Variants in ACTMAP observed in about 807,000 individuals in gnomAD.
The protein encoded by ACTMAP is UPF0692 protein C19orf54.
chr19:40,742,235 C>T, the ACTMAP span: 1 of 715,380 alleles, frequency 1.4e-6, no homozygotes, highest in South Asian at 1.5e-5. Flanking sequence ...ATAGGCAGGC[C>T]GCAGGGTCCG....
At chr19:40,749,632 G>T in the ACTMAP span, 1 of 1,549,818 alleles carries the variant, frequency 6.5e-7, no homozygotes, top group Non-Finnish European at 8.7e-7. Flanking sequence ...GGAGGAGGCA[G>T]TGGGAGCGGT....
chr19:40,744,827 G>A, the ACTMAP span: 2 of 1,285,628 alleles, frequency 1.6e-6, no homozygotes, highest in Admixed American at 2.8e-5. Flanking sequence ...CCCCTTCAGG[G>A]GAGAGCCCAG....
chr19:40,744,685 T>C, the ACTMAP span: 1 of 1,605,558 alleles, frequency 6.2e-7, no homozygotes, highest in African/African-American at 1.3e-5. Context: ...AGCCCGCATC[T>C]GGGGACAGAG....
the ACTMAP span, among the ~76,000 whole-genome samples, chr19:40,745,570 C>G: frequency 6.6e-6 from 1 of 152,206 alleles, no homozygotes; most frequent in African/African-American, 2.4e-5. Context: ...GCAATCAAAG[C>G]TCACTGCAGC....
chr19:40,744,208 G>A, the ACTMAP span: 1 of 1,550,956 alleles, frequency 6.4e-7, no homozygotes, highest in East Asian at 2.4e-5. Context: ...TGCAGGGTGA[G>A]AGCACACAGA....
At chr19:40,744,059 T>C in the ACTMAP span, 27 of 1,613,714 alleles carry the variant, frequency 1.7e-5, no homozygotes, top group Non-Finnish European at 2.2e-5. Flanking sequence ...TCCCAGGCCC[T>C]GGGATACGGG....
the ACTMAP span, among the ~76,000 whole-genome samples, chr19:40,748,615 G>A: frequency 3.3e-5 from 5 of 152,078 alleles, no homozygotes; most frequent in Non-Finnish European, 4.4e-5. Flanking sequence ...GGGCTCCCCC[G>A]TGCCCTCAGG....
chr19:40,744,016 G>A, the ACTMAP span: 1 of 1,614,002 alleles, frequency 6.2e-7, no homozygotes, highest in African/African-American at 1.3e-5. Flanking sequence ...TGTGGCCCTG[G>A]GACCCACCCT....
chr19:40,745,061 C>T, the ACTMAP span: 2 of 1,525,496 alleles, frequency 1.3e-6, no homozygotes, highest in Non-Finnish European at 1.8e-6. Flanking sequence ...CAGATCAGTC[C>T]TTAAGAAGCC....
the ACTMAP span, chr19:40,743,779 G>A: frequency 6.8e-4 from 790 of 1,167,620 alleles, 8 homozygotes; most frequent in African/African-American, 9.9e-3. Context: ...CAGCCTGCCC[G>A]GTGCTAATGC....
At chr19:40,745,543 G>C in the ACTMAP span, among the ~76,000 whole-genome samples, 1 of 152,168 alleles carries the variant, frequency 6.6e-6, no homozygotes, top group Admixed American at 6.5e-5. Context: ...CTGTTGCCCA[G>C]GATGGAATGC....
At chr19:40,741,667 TACTG>T in the ACTMAP span, 5 of 453,044 alleles carry the variant, frequency 1.1e-5, no homozygotes, top group Non-Finnish European at 2.2e-5. Context: ...CTGGCTGAGA[TACTG>T]ACTACCTAGC....
At chr19:40,749,596 G>A in the ACTMAP span, 11 of 1,550,728 alleles carry the variant, frequency 7.1e-6, no homozygotes, top group East Asian at 9.8e-5. Context: ...AAGACATGAC[G>A]GGGAGCAGGC....
chr19:40,743,569 A>C, the ACTMAP span, among the ~76,000 whole-genome samples: 1 of 152,122 alleles, frequency 6.6e-6, no homozygotes, highest in Non-Finnish European at 1.5e-5. Context: ...CTCTGCCTAC[A>C]AGGCAGCCTT....
the ACTMAP span, chr19:40,744,902 A>G: frequency 1.6e-5 from 13 of 805,586 alleles, no homozygotes; most frequent in Admixed American, 3.3e-4. Flanking sequence ...GGAGGAACCA[A>G]GGTGGAGTTA....
the ACTMAP span, chr19:40,744,005 G>A: frequency 6.8e-6 from 11 of 1,613,904 alleles, no homozygotes; most frequent in South Asian, 1.1e-5. Flanking sequence ...AAAAACGATG[G>A]TGTGGCCCTG....
At chr19:40,744,482 G>T in the ACTMAP span, 1 of 1,573,016 alleles carries the variant, frequency 6.4e-7, no homozygotes, top group Non-Finnish European at 8.6e-7. Flanking sequence ...CCTGACACAC[G>T]GCTGCCAGCA....
At chr19:40,745,907 G>A in the ACTMAP span, among the ~76,000 whole-genome samples, 4 of 152,168 alleles carry the variant, frequency 2.6e-5, no homozygotes, top group Admixed American at 6.5e-5. Context: ...CCTGACCTCA[G>A]GTTATCCACC....
the ACTMAP span, chr19:40,742,833 C>A: frequency 6.8e-7 from 1 of 1,471,376 alleles, no homozygotes; most frequent in Middle Eastern, 2.4e-4. Flanking sequence ...CTGGGGCTCA[C>A]TAAGTTCCGC....
Sources: allele counts gnomAD v4.1 joint callset (sites outside exome capture counted in the v4.1 genomes callset), GRCh38; gene constraint gnomAD v4.1.1; transcripts MANE v1.5; gene names NCBI Gene and HGNC (gene_info 2026-07-23, HGNC 2026-07-21).